The following PRKAR1A variants were observed in gnomAD, a reference collection of about 807,000 sequenced individuals.
PRKAR1A encodes the protein cAMP-dependent protein kinase type I-alpha regulatory subunit.
In PRKAR1A, 3 loss-of-function variants were observed where a neutral mutation model predicts 52.0. The observed-to-expected ratio is 0.06, with a 90% CI of 0.03 to 0.15. PRKAR1A has a LOEUF of 0.15. Among genes scored for constraint, PRKAR1A ranks in the 10% least tolerant of loss-of-function variants. The probability of loss-of-function intolerance (pLI) is 1.00; values close to 1 mark genes in which losing one functional copy is unlikely to be tolerated. For missense variants in PRKAR1A, 240 were observed against 477.4 expected (o/e 0.50, Z 4.63); for synonymous variants, 188 against 168.4 (o/e 1.12, Z -0.90).
the PRKAR1A span, among the ~76,000 whole-genome samples, chr17:68,472,644 G>A: frequency 3.9e-5 from 6 of 152,038 alleles, no homozygotes; most frequent in East Asian, 7.7e-4. Flanking sequence ...TAACATTTTC[G>A]TGTCATCATT....
intron 7 of PRKAR1A, 148 bp downstream of exon 7, chr17:68,526,060 C>A: frequency 1.8e-6 from 2 of 1,100,218 alleles, no homozygotes; most frequent in Non-Finnish European, 2.6e-6. Flanking sequence ...TTTTAATGAG[C>A]AAATACTTTG....
chr17:68,436,562 A>C, the PRKAR1A span: 1 of 1,273,600 alleles, frequency 7.9e-7, no homozygotes, highest in Admixed American at 1.9e-5. Context: ...AAAACAGTAC[A>C]GCTACAGTGC....
the PRKAR1A span, among the ~76,000 whole-genome samples, chr17:68,502,011 A>T: frequency 6.6e-6 from 1 of 152,058 alleles, no homozygotes; most frequent in African/African-American, 2.4e-5. Flanking sequence ...ATATCTCTCA[A>T]ATCTGCCCAG....
At chr17:68,481,733 A>C in the PRKAR1A span, among the ~76,000 whole-genome samples, 1 of 151,962 alleles carries the variant, frequency 6.6e-6, no homozygotes, top group African/African-American at 2.4e-5. Context: ...CCATTCATTC[A>C]TTTTTTTCGT....
At chr17:68,543,877 C>T (rs2086426731) in intron 11 of PRKAR1A, among the ~76,000 whole-genome samples, 1 of 152,120 alleles carries the variant, frequency 6.6e-6, no homozygotes, top group Non-Finnish European at 1.5e-5. Flanking sequence ...TGGCCTGTGG[C>T]TCCCTTCGCC....
At chr17:68,471,041 A>G in the PRKAR1A span, among the ~76,000 whole-genome samples, 1 of 152,214 alleles carries the variant, frequency 6.6e-6, no homozygotes, top group Non-Finnish European at 1.5e-5. Flanking sequence ...TAAATGAATA[A>G]AAAAACTAAC....
At chr17:68,430,888 G>A in the PRKAR1A span, among the ~76,000 whole-genome samples, 1 of 152,216 alleles carries the variant, frequency 6.6e-6, no homozygotes, top group African/African-American at 2.4e-5. Context: ...TGCAGGATTA[G>A]GTCCTGGTGG....
intron 11 of PRKAR1A, among the ~76,000 whole-genome samples, chr17:68,543,344 C>T (rs1317731297): frequency 6.6e-6 from 1 of 152,152 alleles, no homozygotes; most frequent in Admixed American, 6.5e-5. Context: ...ATTCTCCTCG[C>T]TCTCAGATCA....
At chr17:68,460,579 AC>A in the PRKAR1A span, among the ~76,000 whole-genome samples, 1 of 152,264 alleles carries the variant, frequency 6.6e-6, no homozygotes. Flanking sequence ...CCATTATGGC[AC>A]CAGCCATGTG....
intron 1 of PRKAR1A, chr17:68,515,042 C>T (rs1210235911): frequency 6.2e-6 from 2 of 322,962 alleles, no homozygotes; most frequent in South Asian, 2.9e-5. Context: ...CTACTTCCCA[C>T]GTCATCATGA....
At chr17:68,519,121 C>T (rs1348383429) in intron 2 of PRKAR1A, among the ~76,000 whole-genome samples, 1 of 152,178 alleles carries the variant, frequency 6.6e-6, no homozygotes, top group East Asian at 1.9e-4. Flanking sequence ...TCTGAGCCCT[C>T]CAGACTGTTC....
intron 11 of PRKAR1A, chr17:68,541,884 G>A: frequency 7.2e-7 from 1 of 1,385,376 alleles, no homozygotes; most frequent in South Asian, 1.4e-5. Context: ...GAGTATTGAG[G>A]CAGCTTTTCA....
upstream of PRKAR1A, chr17:68,512,078 C>G (rs2085275751): frequency 6.5e-6 from 1 of 153,604 alleles, no homozygotes; most frequent in Non-Finnish European, 1.4e-5. Context: ...ACGATAGCTG[C>G]GCGGAGAGAG....
At chr17:68,537,288 A>G (rs1445423709), downstream of PRKAR1A, 6 of 788,276 alleles carry the variant, frequency 7.6e-6, no homozygotes, top group South Asian at 4.4e-5. The surrounding 1 kb of genome is among the most constrained non-coding windows in gnomAD (Gnocchi z 4.2). Context: ...AACGCACGAC[A>G]GAAGCGGTGC....
chr17:68,449,272 C>G, the PRKAR1A span, among the ~76,000 whole-genome samples: 8 of 152,194 alleles, frequency 5.3e-5, no homozygotes, highest in African/African-American at 7.2e-5. Context: ...GAGCACGTAT[C>G]TACCAAGCAC....
At chr17:68,455,693 A>G in the PRKAR1A span, among the ~76,000 whole-genome samples, 1 of 152,258 alleles carries the variant, frequency 6.6e-6, no homozygotes, top group Non-Finnish European at 1.5e-5. Context: ...TAAGGAAATT[A>G]ACTTTCAAAG....
chr17:68,426,205 G>A, the PRKAR1A span: 916 of 1,519,340 alleles, frequency 6.0e-4, 5 homozygotes, highest in African/African-American at 0.012. Flanking sequence ...CATGAAACAA[G>A]CACTGGGGAT....
chr17:68,540,057 C>CTCTCAAGTG, intron 11 of PRKAR1A: 1 of 1,121,124 alleles, frequency 8.9e-7, no homozygotes, highest in Non-Finnish European at 1.3e-6. Flanking sequence ...GGAGGCCTGT[C>CTCTCAAGTG]ATCACTTGAG....
the PRKAR1A span, among the ~76,000 whole-genome samples, chr17:68,426,828 C>G: frequency 6.6e-6 from 1 of 152,208 alleles, no homozygotes; most frequent in Non-Finnish European, 1.5e-5. Context: ...AGCCAATGTG[C>G]CTGGCCTCAT....
Sources: allele counts gnomAD v4.1 joint callset (sites outside exome capture counted in the v4.1 genomes callset), GRCh38; gene constraint gnomAD v4.1.1; non-coding constraint Gnocchi (gnomAD v3.1); transcripts MANE v1.5; gene names NCBI Gene and HGNC (gene_info 2026-07-23, HGNC 2026-07-21).